EXOC2: variants seen among roughly 807,000 people sequenced by gnomAD.
EXOC2 encodes exocyst complex component 2, also known as SEC5-like 1.
EXOC2 carries 70 observed loss-of-function variants against 131.8 expected under a neutral mutation model. The ratio of observed to expected loss-of-function variants is 0.53; its 90% CI spans 0.44 to 0.65. EXOC2 has a LOEUF of 0.65. EXOC2 is among the 30% of genes least tolerant of loss of function. The probability of loss-of-function intolerance (pLI) is 0.00; values close to 1 mark genes in which losing one functional copy is unlikely to be tolerated. For missense variants in EXOC2, 923 were observed against 1,108.6 expected (o/e 0.83, Z 2.38); for synonymous variants, 411 against 398.4 (o/e 1.03, Z -0.38).
rs976090825 is a variant in EXOC2, at chr6:512,153, C to A, written c.2381-12453G>T. On this transcript the variant is annotated intron_variant, in intron 23 of 27. Coordinates refer to ENST00000230449, the MANE Select transcript of EXOC2 (RefSeq NM_018303.6). Reference sequence around the variant, plus strand: ...GGCCACCAGGCCATGGTCCTTGAGCCCCTTCTCAGCTCTGTTAACAGCACC... The same window carrying A: ...GGCCACCAGGCCATGGTCCTTGAGCACCTTCTCAGCTCTGTTAACAGCACC... 2.6e-5 allele frequency among the ~76,000 whole-genome samples: 4 copies of A among 152,214 alleles called. No individual in the cohort carries two copies. In the East Asian group the frequency reaches 5.8e-4, roughly 22 times the overall value.
intron 22 of EXOC2, among the ~76,000 whole-genome samples, chr6:543,660 G>A (rs1375312561): frequency 6.6e-6 from 1 of 152,102 alleles, no homozygotes; most frequent in Non-Finnish European, 1.5e-5. Flanking sequence ...ATCACATTGT[G>A]CACCATAAAT....
At chr6:513,372 A>C (rs1194117859) in intron 23 of EXOC2, among the ~76,000 whole-genome samples, 1 of 152,260 alleles carries the variant, frequency 6.6e-6, no homozygotes, top group Non-Finnish European at 1.5e-5. Flanking sequence ...AATATGAAAA[A>C]GGAAGCCCCA....
At chr6:649,263 T>C (rs1224871168) in intron 1 of EXOC2, among the ~76,000 whole-genome samples, 2 of 152,170 alleles carry the variant, frequency 1.3e-5, no homozygotes, top group East Asian at 1.9e-4. Context: ...GTAAGGAAAG[T>C]TAATACAGAT....
At chr6:686,548 AGACAAGTATATAGGGAATGCCT>A (rs1162409512) in intron 1 of EXOC2, among the ~76,000 whole-genome samples, 2 of 152,234 alleles carry the variant, frequency 1.3e-5, no homozygotes, top group African/African-American at 4.8e-5. Context: ...ACTGGAAGCC[AGACAAGTATATAGGGAATGCCT>A]GACAACTTAG....
chr6:537,377 T>C (rs573960677), intron 22 of EXOC2, among the ~76,000 whole-genome samples: 159 of 124,314 alleles, frequency 1.3e-3, no homozygotes, highest in Non-Finnish European at 2.0e-3. Flanking sequence ...CTCGAGTTGA[T>C]GGCCGACGGA....
intron 8 of EXOC2, 32 bp from the exon 9 acceptor site, chr6:598,973 C>T (rs754937189): frequency 4.8e-5 from 75 of 1,575,286 alleles, no homozygotes; most frequent in Non-Finnish European, 6.3e-5. Flanking sequence ...TGAAAACTGT[C>T]AGTAATGCAA....
At chr6:585,226 T>C (rs1393820474) in intron 11 of EXOC2, among the ~76,000 whole-genome samples, 1 of 152,226 alleles carries the variant, frequency 6.6e-6, no homozygotes, top group African/African-American at 2.4e-5. Context: ...TTTTAAAATA[T>C]TAACCTTAGT....
At chr6:513,732 T>C (rs1187399789) in intron 23 of EXOC2, among the ~76,000 whole-genome samples, 1 of 152,206 alleles carries the variant, frequency 6.6e-6, no homozygotes, top group Admixed American at 6.5e-5. Flanking sequence ...TGGTTGTCAC[T>C]CAAACATTTT....
chr6:617,583 T>A (rs1047814447), intron 6 of EXOC2, 128 bp downstream of exon 6: 2 of 1,280,124 alleles, frequency 1.6e-6, no homozygotes, highest in African/African-American at 1.5e-5. Flanking sequence ...CAACAAATAT[T>A]TATAGCACAT....
At chr6:530,413 C>T (rs1035729557) in intron 23 of EXOC2, among the ~76,000 whole-genome samples, 2 of 152,226 alleles carry the variant, frequency 1.3e-5, no homozygotes, top group Non-Finnish European at 2.9e-5. Context: ...CAAATGACGG[C>T]CTTGTGCTGA....
intron 7 of EXOC2, among the ~76,000 whole-genome samples, chr6:600,982 T>C (rs1760100133): frequency 6.6e-6 from 1 of 152,180 alleles, no homozygotes; most frequent in Non-Finnish European, 1.5e-5. Flanking sequence ...AGATAATGTA[T>C]TCAGTAATAA....
chr6:556,357 T>C, intron 18 of EXOC2, 127 bp downstream of exon 18: 1 of 995,782 alleles, frequency 1.0e-6, no homozygotes, highest in South Asian at 1.5e-5. Flanking sequence ...TCTACGCAGT[T>C]AAACTAAATG....
intron 6 of EXOC2, among the ~76,000 whole-genome samples, chr6:612,992 G>C (rs1452339468): frequency 6.6e-6 from 1 of 152,162 alleles, no homozygotes; most frequent in Non-Finnish European, 1.5e-5. Flanking sequence ...GAGGTGCCCA[G>C]AGGCACCAAG....
intron 4 of EXOC2, among the ~76,000 whole-genome samples, chr6:627,548 G>A (rs1212625715): frequency 6.6e-6 from 1 of 152,224 alleles, no homozygotes; most frequent in Non-Finnish European, 1.5e-5. Context: ...GAGCTGGCTT[G>A]TGGAGGGCTA....
At chr6:679,415 A>C (rs753044284) in intron 1 of EXOC2, 1 of 152,228 alleles carries the variant, frequency 6.6e-6, no homozygotes. Flanking sequence ...CCTATTAACA[A>C]CACAAGATAT....
At chr6:531,478 A>T (rs1055777086) in intron 23 of EXOC2, among the ~76,000 whole-genome samples, 3 of 123,312 alleles carry the variant, frequency 2.4e-5, no homozygotes, top group Non-Finnish European at 5.0e-5. Context: ...AGCTCAGGAA[A>T]TTCAATAACT....
At chr6:651,919 G>A (rs561501977) in intron 1 of EXOC2, among the ~76,000 whole-genome samples, 133 of 151,820 alleles carry the variant, frequency 8.8e-4, no homozygotes, top group African/African-American at 3.0e-3. Flanking sequence ...AGCCGGGTGC[G>A]GTGGTGCGCG....
At chr6:537,222 G>T (rs1428262798) in intron 22 of EXOC2, among the ~76,000 whole-genome samples, 1 of 150,804 alleles carries the variant, frequency 6.6e-6, no homozygotes, top group Non-Finnish European at 1.5e-5. Flanking sequence ...CCGACGGAGC[G>T]CACACACGAG....
chr6:626,488 C>T (rs1392520881), intron 4 of EXOC2, among the ~76,000 whole-genome samples: 3 of 152,186 alleles, frequency 2.0e-5, no homozygotes, highest in South Asian at 4.1e-4. Context: ...CACGCTAGAC[C>T]GTCAGCTGTC....
Sources: allele counts gnomAD v4.1 joint callset (sites outside exome capture counted in the v4.1 genomes callset), GRCh38; gene constraint gnomAD v4.1.1; transcripts MANE v1.5; gene names NCBI Gene and HGNC (gene_info 2026-07-23, HGNC 2026-07-21).